The following RALYL variants were observed in gnomAD, a reference collection of about 807,000 sequenced individuals.
The protein encoded by RALYL is RALY RNA binding protein like, also known as RNA-binding Raly-like protein.
In RALYL, 29 loss-of-function variants were observed where a neutral mutation model predicts 35.1. The observed-to-expected ratio is 0.83, with a 90% CI of 0.61 to 1.13. RALYL has a LOEUF of 1.13. Ranked by LOEUF, RALYL falls within the 50% of genes most tolerant of loss-of-function variation. RALYL has a pLI of 0.00. For missense variants in RALYL, 359 were observed against 360.4 expected, an observed-to-expected ratio of 1.00 and a Z score of 0.03; for synonymous variants, 120 against 127.6, an observed-to-expected ratio of 0.94 and a Z score of 0.40.
At chr8:84,573,967 C>A (rs1003781816) in intron 2 of RALYL, among the ~76,000 whole-genome samples, 8 of 151,654 alleles carry the variant, frequency 5.3e-5, no homozygotes, top group Non-Finnish European at 8.8e-5. Context: ...TTTCTAAGAT[C>A]TTTTTCTACT....
intron 2 of RALYL, among the ~76,000 whole-genome samples, chr8:84,633,047 A>T (rs914189205): frequency 6.6e-6 from 1 of 151,896 alleles, no homozygotes; most frequent in South Asian, 2.1e-4. Context: ...CTGGCCATAA[A>T]ATTTGAGGGT....
intron 1 of RALYL, among the ~76,000 whole-genome samples, chr8:84,221,285 G>A (rs528320979): frequency 1.7e-4 from 22 of 127,428 alleles, no homozygotes; most frequent in African/African-American, 6.1e-4. Context: ...AATGGAAAGC[G>A]GGTGTGTGTG....
At chr8:84,720,380 A>T (rs1380111316) in intron 2 of RALYL, among the ~76,000 whole-genome samples, 1 of 152,190 alleles carries the variant, frequency 6.6e-6, no homozygotes, top group Non-Finnish European at 1.5e-5. Flanking sequence ...TTTGACAAAA[A>T]TGTCAAGAAC....
At chr8:84,833,581 T>C (rs1219137341) in intron 4 of RALYL, among the ~76,000 whole-genome samples, 8 of 147,570 alleles carry the variant, frequency 5.4e-5, no homozygotes, top group Non-Finnish European at 1.0e-4. Flanking sequence ...GAGGTTGCAG[T>C]GAGCTGAGAT....
chr8:84,539,603 A>G lies in RALYL; in HGVS notation c.256+10026A>G, dbSNP rs142035863. Among the ~76,000 whole-genome samples the G allele has an allele frequency of 3.3e-5, 5 of 151,980 alleles. No individual in the cohort carries two copies. In the East Asian group the frequency reaches 9.7e-4, roughly 29 times the overall value. On this transcript the variant is annotated intron_variant, in intron 2 of 8. Coordinates refer to ENST00000521268, the MANE Select transcript of RALYL (RefSeq NM_173848.7). ...AATCTTTGCCTCTTCTTTGGCCATA[A>G]AGACATGCTTCTGTGTTTCCTTGTA...
intron 2 of RALYL, among the ~76,000 whole-genome samples, chr8:84,617,147 A>T (rs1302692713): frequency 1.3e-5 from 2 of 150,476 alleles, no homozygotes; most frequent in African/African-American, 5.0e-5. Context: ...TGGTAGCTTG[A>T]TGGGGATGGC....
chr8:84,895,339 CAA>C (rs375792626), intron 8 of RALYL, among the ~76,000 whole-genome samples: 31 of 105,120 alleles, frequency 2.9e-4, no homozygotes, highest in Admixed American at 2.9e-4. Context: ...TGCACTATGA[CAA>C]AAAAAAAAAA....
intron 2 of RALYL, among the ~76,000 whole-genome samples, chr8:84,541,673 G>A (rs1034024011): frequency 6.6e-6 from 1 of 151,870 alleles, no homozygotes; most frequent in Non-Finnish European, 1.5e-5. Context: ...TGTGAATTAC[G>A]ATTATGGATC....
intron 1 of RALYL, among the ~76,000 whole-genome samples, chr8:84,266,959 CA>C (rs747403533): frequency 0.035 from 2,116 of 60,392 alleles, 6 homozygotes; most frequent in South Asian, 0.056. Context: ...GACTCCGTCT[CA>C]AAAAAAAAAA....
At chr8:84,215,070 T>C (rs1219979143) in intron 1 of RALYL, among the ~76,000 whole-genome samples, 1 of 151,974 alleles carries the variant, frequency 6.6e-6, no homozygotes, top group Non-Finnish European at 1.5e-5. Flanking sequence ...TGTGCCCGGC[T>C]AATTTTTTGT....
chr8:84,655,595 C>A (rs373924441), intron 2 of RALYL, among the ~76,000 whole-genome samples: 7 of 152,202 alleles, frequency 4.6e-5, no homozygotes, highest in African/African-American at 1.7e-4. Flanking sequence ...TCCCAATGTG[C>A]CAGAATTACA....
chr8:84,652,299 C>T (rs1057280928), intron 2 of RALYL, among the ~76,000 whole-genome samples: 1 of 151,978 alleles, frequency 6.6e-6, no homozygotes, highest in African/African-American at 2.4e-5. Context: ...TAATAGTAAG[C>T]GTAATAGATA....
At chr8:84,641,469 A>T (rs1319267652) in intron 2 of RALYL, among the ~76,000 whole-genome samples, 1 of 151,844 alleles carries the variant, frequency 6.6e-6, no homozygotes, top group Non-Finnish European at 1.5e-5. Flanking sequence ...AATGACTGAG[A>T]CATCCAAGGA....
intron 1 of RALYL, among the ~76,000 whole-genome samples, chr8:84,322,054 A>C (rs781628550): frequency 1.4e-4 from 21 of 152,132 alleles, no homozygotes; most frequent in Non-Finnish European, 2.2e-4. Flanking sequence ...AAGGAGAAAC[A>C]GACAAAATCA....
intron 8 of RALYL, among the ~76,000 whole-genome samples, chr8:84,913,236 C>A (rs920050497): frequency 6.6e-6 from 1 of 151,920 alleles, no homozygotes; most frequent in African/African-American, 2.4e-5. Context: ...TTGTGGATTA[C>A]CCCAGTCAAA....
rs145065106 is a variant in RALYL, at chr8:84,267,434, T to C, written c.-24+83010T>C. ...ATTGTGTTTTAATTATTACCTCCTT[T>C]TGTTACATTTCCTTAAGCAAATTAT... is the stretch of plus-strand genomic sequence containing the variant. On this transcript the variant is annotated intron_variant, in intron 1 of 8. Coordinates refer to ENST00000521268, the MANE Select transcript of RALYL (RefSeq NM_173848.7). Among the ~76,000 whole-genome samples the C allele has an allele frequency of 3.6e-3, 546 of 152,286 alleles. 2 individuals carry two copies. Among genetic ancestry groups the C allele is most frequent in the African/African-American group, 0.012 (518 of 41,548 alleles).
chr8:84,414,207 T>C (rs1290244071), intron 1 of RALYL, among the ~76,000 whole-genome samples: 1 of 152,190 alleles, frequency 6.6e-6, no homozygotes, highest in Non-Finnish European at 1.5e-5. Context: ...TTCATATCTG[T>C]TAATATAAAT....
rs1374003778 is a variant in RALYL, at chr8:84,334,872, C to A, written c.-24+150448C>A. ...TCCAGTCCCATTTAGAGTCAGAATT[C>A]CAAACATCTTCTAAATTAACCCTGT... On this transcript the variant is annotated intron_variant, in intron 1 of 8. Transcript: ENST00000521268. 2.0e-5 allele frequency among the ~76,000 whole-genome samples: 3 copies of A among 152,210 alleles called. No individual in the cohort carries two copies. The East Asian group carries it at 5.8e-4, about 29-fold the overall frequency.
At chr8:84,539,778 GTTT>G (rs1383446070) in intron 2 of RALYL, among the ~76,000 whole-genome samples, 19 of 146,858 alleles carry the variant, frequency 1.3e-4, no homozygotes, top group Non-Finnish European at 2.1e-4. Context: ...AGAGACTCTT[GTTT>G]TTTAACTGCC....
Sources: gnomAD v4.1 joint callset for allele counts (sites outside exome capture counted in the v4.1 genomes callset) on GRCh38, gnomAD v4.1.1 for gene constraint, MANE v1.5 for transcripts, NCBI Gene and HGNC (gene_info 2026-07-23, HGNC 2026-07-21) for gene names.